The following FOXO1 variants were observed in gnomAD, a reference collection of about 807,000 sequenced individuals.
FOXO1 encodes forkhead box protein O1.
Under a neutral mutation model 44.1 loss-of-function variants are expected in FOXO1, and 6 were observed. That is an observed-to-expected ratio of 0.14 (90% CI 0.07 to 0.27). The LOEUF (loss-of-function observed/expected upper bound fraction) is 0.27. Among genes scored for constraint, FOXO1 ranks in the 10% least tolerant of loss-of-function variants. The pLI is 1.00. For synonymous variants in FOXO1, 380 were observed against 362.7 expected, an observed-to-expected ratio of 1.05 and a Z score of -0.54; for missense variants, 737 against 888.8, an observed-to-expected ratio of 0.83 and a Z score of 2.17.
intron 1 of FOXO1, among the ~76,000 whole-genome samples, chr13:40,633,087 A>G (rs1281031534): frequency 2.6e-5 from 4 of 152,256 alleles, no homozygotes; most frequent in African/African-American, 9.6e-5. Context: ...TAGAACGGCT[A>G]AAATAAACAA....
intron 1 of FOXO1, chr13:40,611,081 C>T (rs1425888299): frequency 3.9e-5 from 18 of 455,922 alleles, no homozygotes; most frequent in Non-Finnish European, 7.1e-5. Context: ...AAAATAAATG[C>T]TTATTCAGTG....
chr13:40,566,984 C>T (rs907164647), intron 1 of FOXO1, among the ~76,000 whole-genome samples: 12 of 152,120 alleles, frequency 7.9e-5, no homozygotes, highest in Admixed American at 2.0e-4. Context: ...GCTTGCAGCT[C>T]TCTGCCTCCT....
intron 1 of FOXO1, among the ~76,000 whole-genome samples, chr13:40,657,308 T>C (rs1052584580): frequency 6.9e-6 from 1 of 144,756 alleles, no homozygotes; most frequent in Non-Finnish European, 1.5e-5. Flanking sequence ...CAATCTCCCA[T>C]CCTTTTTTTT....
Position 40,555,857 on chromosome 13 carries a change from G to C in FOXO1, c.*3192C>G, listed in dbSNP as rs1873725757. 1 of 152,662 alleles carries C rather than the reference G, an allele frequency of 6.6e-6. No homozygotes were observed. The highest frequency in any genetic ancestry group is 2.4e-5 in the African/African-American group (1 of 41,462). The allele number at this position is 152,662 out of a possible 1,614,324, so 9.5% of individuals were successfully genotyped here. ...GTACATCAACATCAGGCACTTCTCA[G>C]AGTATCGGAACAAGAACGTGGAATC... On this transcript the variant is annotated 3_prime_UTR_variant, in exon 3 of 3. Transcript: ENST00000379561.
chr13:40,647,331 C>T (rs1311332194), intron 1 of FOXO1, among the ~76,000 whole-genome samples: 1 of 152,174 alleles, frequency 6.6e-6, no homozygotes, highest in Non-Finnish European at 1.5e-5. Flanking sequence ...TTGTGGGACT[C>T]TTGTGCAAAC....
chr13:40,581,345 G>C (rs1326168455), intron 1 of FOXO1, among the ~76,000 whole-genome samples: 1 of 152,170 alleles, frequency 6.6e-6, no homozygotes, highest in Non-Finnish European at 1.5e-5. Context: ...TCATACAATA[G>C]TACAAATTGT....
At chr13:40,652,239 A>G (rs1472896444) in intron 1 of FOXO1, among the ~76,000 whole-genome samples, 1 of 151,722 alleles carries the variant, frequency 6.6e-6, no homozygotes, top group Non-Finnish European at 1.5e-5. Flanking sequence ...ATCACAGTAT[A>G]GTATGAATGA....
chr13:40,635,225 G>C (rs1049644393), intron 1 of FOXO1, among the ~76,000 whole-genome samples: 1 of 152,096 alleles, frequency 6.6e-6, no homozygotes, highest in Non-Finnish European at 1.5e-5. Context: ...AAAAATACTG[G>C]TTCCCATTCA....
At chr13:40,609,708 T>TG (rs1163608865) in intron 1 of FOXO1, among the ~76,000 whole-genome samples, 2 of 151,822 alleles carry the variant, frequency 1.3e-5, no homozygotes, top group South Asian at 2.1e-4. Flanking sequence ...TTCTTCAGGG[T>TG]GGGGGGGAAA....
At chr13:40,638,698 G>A (rs938939184) in intron 1 of FOXO1, among the ~76,000 whole-genome samples, 2 of 152,152 alleles carry the variant, frequency 1.3e-5, no homozygotes, top group Non-Finnish European at 2.9e-5. Flanking sequence ...GGAGGAGGGG[G>A]CCTAAGGTTT....
At chr13:40,588,325 T>TCA (rs1566068590) in intron 1 of FOXO1, among the ~76,000 whole-genome samples, 1 of 152,198 alleles carries the variant, frequency 6.6e-6, no homozygotes, top group African/African-American at 2.4e-5. Flanking sequence ...TACCAAACCT[T>TCA]GAGTCACCTG....
In FOXO1 at chr13:40,558,598, T is replaced by C. The variant is rs147514273; in HGVS notation, c.*451A>G. The C allele has an allele frequency of 9.6e-4, 343 of 356,420 alleles. 1 individual carries two copies. The highest frequency in any genetic ancestry group is 6.7e-3 in the African/African-American group (321 of 47,902). The allele number at this position is 356,420 out of a possible 1,614,324, so 22.1% of individuals were successfully genotyped here. A position where few individuals can be genotyped will look rare whatever the true frequency, so the allele number is the denominator to read the frequency against. On this transcript the variant is annotated 3_prime_UTR_variant, in exon 3 of 3. Transcript: ENST00000379561. The stretch of plus-strand genomic sequence containing the variant: ...AGGTAGTACAAACAAAAGTTTAACT[T>C]ATCAAGACATGAGGCCCATCACAGT...
intron 1 of FOXO1, among the ~76,000 whole-genome samples, chr13:40,660,752 C>T (rs1215062863): frequency 6.6e-6 from 1 of 152,084 alleles, no homozygotes; most frequent in East Asian, 1.9e-4. Context: ...AATTAAAATG[C>T]CTTATTTTCA....
chr13:40,643,564 C>T (rs902647379), intron 1 of FOXO1, among the ~76,000 whole-genome samples: 8 of 152,006 alleles, frequency 5.3e-5, no homozygotes, highest in Non-Finnish European at 7.4e-5. Context: ...ATCAGAAGTT[C>T]TTCCAAAGCA....
rs1593377480 is a variant in FOXO1, at chr13:40,560,217, G to A, written c.1274C>T (p.Thr425Ile). 1.9e-6 allele frequency: 3 copies of A among 1,614,170 alleles called. No individual in the cohort carries two copies. Among genetic ancestry groups the A allele is most frequent in the Middle Eastern group, 1.6e-4 (1 of 6,062 alleles). Residue 425 changes from threonine (T) to isoleucine (I), a missense_variant, in exon 2 of 3, where the codon ACA becomes ATA. Physicochemically the swap from Thr to Ile is moderately conservative, Grantham distance 89. Transcript: ENST00000379561. This position sits in a 1 kb window ranked among gnomAD's most constrained non-coding sequence, Gnocchi z 5.1. ...NSPSPNYQKY[T>I]YGQSSMSPLP... ...AGGGCTCATGCTGGATTGGCCATAT[G>A]TATATTTTTGGTAGTTTGGGCTGGG...
intron 1 of FOXO1, among the ~76,000 whole-genome samples, chr13:40,614,513 T>G (rs1472541422): frequency 6.6e-6 from 1 of 152,164 alleles, no homozygotes; most frequent in African/African-American, 2.4e-5. Context: ...AGAGGAAAAC[T>G]AAGGAACTGA....
At chr13:40,646,715 T>A (rs1250926575) in intron 1 of FOXO1, among the ~76,000 whole-genome samples, 1 of 152,146 alleles carries the variant, frequency 6.6e-6, no homozygotes, top group African/African-American at 2.4e-5. Flanking sequence ...TGCTTCAGCC[T>A]CCCAAGTAGC....
chr13:40,574,173 T>C (rs1566064950), intron 1 of FOXO1, among the ~76,000 whole-genome samples: 1 of 151,830 alleles, frequency 6.6e-6, no homozygotes, highest in Non-Finnish European at 1.5e-5. Flanking sequence ...AAAAAATTTT[T>C]AAAAAGGATA....
chr13:40,560,966 T>C lies in FOXO1; in HGVS notation c.631-106A>G, dbSNP rs942894226. On this transcript the variant is annotated intron_variant, in intron 1 of 2. Coordinates refer to ENST00000379561, the MANE Select transcript of FOXO1 (RefSeq NM_002015.4). This position sits in a 1 kb window ranked among gnomAD's most constrained non-coding sequence, Gnocchi z 5.1. ...ACAAGTAAAAAATCTTAAGAGTGTG[T>C]GCTACAGATTTCCATCTGAACAGTC... 2 of 1,130,434 alleles carry C rather than the reference T, an allele frequency of 1.8e-6. No individual in the cohort carries two copies. Among genetic ancestry groups the C allele is most frequent in the East Asian group, 2.5e-5 (1 of 40,134 alleles). The allele number at this position is 1,130,434 out of a possible 1,614,324, so 70.0% of individuals were successfully genotyped here.
Sources: allele counts gnomAD v4.1 joint callset (sites outside exome capture counted in the v4.1 genomes callset), GRCh38; gene constraint gnomAD v4.1.1; non-coding constraint Gnocchi (gnomAD v3.1); transcripts MANE v1.5; gene names NCBI Gene and HGNC (gene_info 2026-07-23, HGNC 2026-07-21).